The following AFAP1 variants were observed in gnomAD, a reference collection of about 807,000 sequenced individuals.
The protein encoded by AFAP1 is actin filament-associated protein 1.
A neutral mutation model predicts 93.9 loss-of-function variants in AFAP1; 75 were observed. The ratio of observed to expected loss-of-function variants is 0.80; its 90% CI spans 0.66 to 0.97. The LOEUF is 0.97. Among genes scored for constraint, AFAP1 ranks in the 50% least tolerant of loss-of-function variants. The probability of loss-of-function intolerance (pLI) is 0.00; values close to 1 mark genes in which losing one functional copy is unlikely to be tolerated. For synonymous variants in AFAP1, 517 were observed against 430.7 expected (o/e 1.20, Z -2.48); for missense variants, 1,201 against 1,050.8 (o/e 1.14, Z -1.98).
At chr4:7,934,703 C>T (rs992505721) in intron 1 of AFAP1, among the ~76,000 whole-genome samples, 10 of 152,246 alleles carry the variant, frequency 6.6e-5, no homozygotes, top group African/African-American at 2.2e-4. Flanking sequence ...GGGTGCTGGA[C>T]TGGGGTTCAC....
intron 6 of AFAP1, among the ~76,000 whole-genome samples, chr4:7,821,281 A>G (rs927214350): frequency 6.6e-6 from 1 of 152,220 alleles, no homozygotes; most frequent in African/African-American, 2.4e-5. Flanking sequence ...CCGCTATGGA[A>G]GAAGTCTAAG....
chr4:7,804,129 G>A (rs1006952941), intron 9 of AFAP1, among the ~76,000 whole-genome samples: 8 of 152,174 alleles, frequency 5.3e-5, no homozygotes, highest in African/African-American at 1.9e-4. Flanking sequence ...TAGCCTGGCT[G>A]ATGAAATCAG....
intron 1 of AFAP1, among the ~76,000 whole-genome samples, chr4:7,908,813 G>A (rs1050772854): frequency 2.0e-5 from 3 of 152,206 alleles, no homozygotes; most frequent in African/African-American, 7.2e-5. Context: ...TGAGTGCTTC[G>A]TATAGCATAA....
intron 1 of AFAP1, among the ~76,000 whole-genome samples, chr4:7,894,332 C>G (rs1038793385): frequency 6.6e-6 from 1 of 152,198 alleles, no homozygotes; most frequent in Non-Finnish European, 1.5e-5. Context: ...TATGTACTCT[C>G]TGCTCTGTTA....
At chr4:7,910,160 G>A (rs1028950637) in intron 1 of AFAP1, among the ~76,000 whole-genome samples, 2 of 152,138 alleles carry the variant, frequency 1.3e-5, no homozygotes, top group Admixed American at 6.5e-5. Flanking sequence ...GCCAGTCTGA[G>A]GCATCTGCCA....
At chr4:7,763,852 C>T (rs748633860) in intron 17 of AFAP1, 61 bp from the exon 18 acceptor site, 22 of 1,522,262 alleles carry the variant, frequency 1.4e-5, no homozygotes, top group Admixed American at 3.9e-5. Flanking sequence ...GGACAAGCCA[C>T]GCCACCATCC....
chr4:7,802,672 T>A (rs1400567272), intron 9 of AFAP1, among the ~76,000 whole-genome samples: 1 of 149,572 alleles, frequency 6.7e-6, no homozygotes, highest in Non-Finnish European at 1.5e-5. Context: ...ACAGGAGTCT[T>A]GCTCTGTAGC....
chr4:7,843,489 C>A (rs371081756), intron 4 of AFAP1, 139 bp from the exon 5 acceptor site: 4 of 746,216 alleles, frequency 5.4e-6, no homozygotes, highest in Non-Finnish European at 8.4e-6. Context: ...AGGGAAAAAA[C>A]AAAAACAAAA....
intron 1 of AFAP1, among the ~76,000 whole-genome samples, chr4:7,905,794 A>T (rs1357120741): frequency 1.3e-5 from 2 of 152,224 alleles, no homozygotes; most frequent in Non-Finnish European, 2.9e-5. Flanking sequence ...CAACCTTCAC[A>T]CAGAAAAGAA....
At chr4:7,902,244 G>C (rs559229704) in intron 1 of AFAP1, among the ~76,000 whole-genome samples, 1 of 152,156 alleles carries the variant, frequency 6.6e-6, no homozygotes, top group African/African-American at 2.4e-5. Context: ...CATGTGATGC[G>C]TGGAAGTAAA....
Position 7,843,307 on chromosome 4 carries a change from A to G in AFAP1, c.378T>C (p.Asp126=). The change falls in exon 5 of 18, where the codon GAT becomes GAC. Residue 126 remains aspartate, a synonymous_variant. Coordinates refer to ENST00000420658, the MANE Select transcript of AFAP1 (RefSeq NM_001134647.2). ...TCCCCTTCCCATCCTCCTCCTCTTC[A>G]TCATACGACTCATAAGAGCTGCTCA... ...DAMSSSYESY[D]EEEEDGKGKK... is the part of the protein sequence containing the mutation. The G allele has an allele frequency of 6.2e-7, 1 of 1,613,980 alleles. No individual in the cohort carries two copies. Among genetic ancestry groups the G allele is most frequent in the Non-Finnish European group, 8.5e-7 (1 of 1,179,992 alleles).
At chr4:7,817,658 A>G (rs1335368490) in intron 7 of AFAP1, among the ~76,000 whole-genome samples, 1 of 152,116 alleles carries the variant, frequency 6.6e-6, no homozygotes, top group African/African-American at 2.4e-5. Context: ...TACATAAGTG[A>G]TAATGGAGTC....
Position 7,778,799 on chromosome 4 carries a change from T to G in AFAP1, c.1860A>C (p.Lys620Asn). ...TTTTCACAACAGCCGCGGGATCCGC[T>G]TTCTTTGGCTGACTGCTCAGAGTCT... ...KGKTLSSQPK[K>N]ADPAAVVKRT... is the part of the protein sequence containing the mutation. The change falls in exon 14 of 18, where the codon AAA (lysine) becomes AAC (asparagine). Residue 620 changes from lysine to asparagine, a missense_variant. Coordinates refer to ENST00000420658, the MANE Select transcript of AFAP1 (RefSeq NM_001134647.2). The G allele has an allele frequency of 6.2e-7, 1 of 1,614,228 alleles. No homozygotes were observed. Among genetic ancestry groups the G allele is most frequent in the Non-Finnish European group, 8.5e-7 (1 of 1,180,040 alleles).
chr4:7,914,150 G>A (rs910859199), intron 1 of AFAP1, among the ~76,000 whole-genome samples: 4 of 151,854 alleles, frequency 2.6e-5, no homozygotes, highest in African/African-American at 4.8e-5. Context: ...TGCTTCCCAG[G>A]TTCAAGCGAT....
At chr4:7,808,464 T>C (rs1327109399) in intron 9 of AFAP1, among the ~76,000 whole-genome samples, 4 of 152,060 alleles carry the variant, frequency 2.6e-5, no homozygotes, top group South Asian at 4.2e-4. Flanking sequence ...CTGGAAGCCA[T>C]GGGGGGCCAG....
intron 1 of AFAP1, among the ~76,000 whole-genome samples, chr4:7,909,193 A>T (rs1719589636): frequency 6.6e-6 from 1 of 152,198 alleles, no homozygotes; most frequent in Admixed American, 6.5e-5. Flanking sequence ...CACCAAACTA[A>T]GCACTTTGCA....
At chr4:7,895,493 T>C (rs963044959) in intron 1 of AFAP1, among the ~76,000 whole-genome samples, 1 of 152,194 alleles carries the variant, frequency 6.6e-6, no homozygotes, top group Admixed American at 6.5e-5. Flanking sequence ...CTCCCCAGCA[T>C]AACACATAGT....
At chr4:7,855,951 C>T (rs2149143183) in intron 3 of AFAP1, among the ~76,000 whole-genome samples, 1 of 152,274 alleles carries the variant, frequency 6.6e-6, no homozygotes, top group African/African-American at 2.4e-5. Context: ...CCACACACTC[C>T]ACACACACCA....
intron 1 of AFAP1, among the ~76,000 whole-genome samples, chr4:7,930,977 C>T (rs4696808): frequency 0.6 from 91,215 of 152,054 alleles, 28,588 homozygotes; most frequent in East Asian, 0.83. Context: ...GCCTCCAACT[C>T]CTGGCCTCAA....
Sources: allele counts gnomAD v4.1 joint callset (sites outside exome capture counted in the v4.1 genomes callset), GRCh38; gene constraint gnomAD v4.1.1; transcripts MANE v1.5; gene names NCBI Gene and HGNC (gene_info 2026-07-23, HGNC 2026-07-21).